TMCC1: variants seen among roughly 807,000 people sequenced by gnomAD.
The protein encoded by TMCC1 is transmembrane and coiled-coil domains protein 1.
Under a neutral mutation model 52.4 loss-of-function variants are expected in TMCC1, and 15 were observed. The ratio of observed to expected loss-of-function variants is 0.29; its 90% confidence interval spans 0.19 to 0.44. The LOEUF (loss-of-function observed/expected upper bound fraction) is 0.44, where lower values mean the gene tolerates loss of function less well. Ranked by LOEUF, TMCC1 falls within the 20% of genes least tolerant of loss-of-function variation. The pLI, the probability that TMCC1 is intolerant of heterozygous loss-of-function variation, is 1.00. For missense variants in TMCC1, 503 were observed against 806.0 expected (o/e 0.62, Z 4.55); for synonymous variants, 279 against 301.9 (o/e 0.92, Z 0.79).
rs185380385 is a variant in TMCC1 at position 129,708,068 on chromosome 3, G to A, written c.577-36804C>T. Among the ~76,000 whole-genome samples the A allele has an allele frequency of 2.9e-3, 446 of 152,218 alleles. 1 individual carries two copies. The highest frequency in any genetic ancestry group is 4.9e-3 in the Non-Finnish European group (331 of 68,016). ...AGTAATTTAGTGCTTTGTCTTGCAC[G>A]TTGAGAGGAAAATTTTAGTAAGACA... On this transcript the variant is annotated intron_variant, in intron 4 of 6. Transcript: ENST00000393238.
chr3:129,874,537 A>C (rs1433127995), intron 2 of TMCC1, among the ~76,000 whole-genome samples: 1 of 151,992 alleles, frequency 6.6e-6, no homozygotes, highest in African/African-American at 2.4e-5. Flanking sequence ...GCAACACCCT[A>C]TCTCTGCAAA....
chr3:129,830,802 C>T (rs2058871935), intron 3 of TMCC1, among the ~76,000 whole-genome samples: 1 of 152,188 alleles, frequency 6.6e-6, no homozygotes, highest in Non-Finnish European at 1.5e-5. Flanking sequence ...AGCAAATCTA[C>T]TTATTTGGGC....
chr3:129,813,700 T>C (rs1371724734), intron 4 of TMCC1, among the ~76,000 whole-genome samples: 1 of 152,028 alleles, frequency 6.6e-6, no homozygotes, highest in Non-Finnish European at 1.5e-5. Flanking sequence ...GGTACTATGC[T>C]TATTACCTGG....
At chr3:129,835,340 T>C (rs1429466665) in intron 2 of TMCC1, among the ~76,000 whole-genome samples, 1 of 151,614 alleles carries the variant, frequency 6.6e-6, no homozygotes, top group African/African-American at 2.4e-5. Flanking sequence ...TATATATATA[T>C]ATATATTTTA....
chr3:129,762,295 T>C (rs1303013183), intron 4 of TMCC1, among the ~76,000 whole-genome samples: 1 of 151,870 alleles, frequency 6.6e-6, no homozygotes, highest in African/African-American at 2.4e-5. Context: ...CCGCCTCGGT[T>C]TCCCAAAGTG....
chr3:129,808,228 A>G (rs1010158883), intron 4 of TMCC1, among the ~76,000 whole-genome samples: 3 of 152,074 alleles, frequency 2.0e-5, no homozygotes, highest in Non-Finnish European at 4.4e-5. Flanking sequence ...CACGCCTGTA[A>G]TCCCAGCACT....
At chr3:129,810,511 T>C (rs529397217) in intron 4 of TMCC1, among the ~76,000 whole-genome samples, 1 of 152,158 alleles carries the variant, frequency 6.6e-6, no homozygotes, top group Non-Finnish European at 1.5e-5. Flanking sequence ...CTCCTGACAA[T>C]AGAAAACAGC....
intron 2 of TMCC1, among the ~76,000 whole-genome samples, chr3:129,866,727 T>C (rs887251128): frequency 6.6e-6 from 1 of 152,128 alleles, no homozygotes; most frequent in East Asian, 1.9e-4. Flanking sequence ...GGCTCATAGA[T>C]CCAGGACAGA....
intron 2 of TMCC1, among the ~76,000 whole-genome samples, chr3:129,838,752 C>CAAAA (rs35240365): frequency 1.4e-4 from 9 of 65,832 alleles, no homozygotes; most frequent in African/African-American, 5.3e-4. Context: ...GACTCTGTCT[C>CAAAA]AAAAAAAAAA....
In TMCC1 at chr3:129,651,710, T is replaced by C; in HGVS notation, c.1733A>G (p.Glu578Gly). 6.2e-7 allele frequency: 1 copy of C among 1,614,214 alleles called. No individual in the cohort carries two copies. The highest frequency in any genetic ancestry group is 8.5e-7 in the Non-Finnish European group (1 of 1,180,038). ...QQQVVQLEGL[E>G]NATARNLLGK... ...CAGAAGGTTCCGGGCAGTGGCATTC[T>C]CCAGCCCTTCTAGCTGCACCACCTG... Residue 578 changes from glutamate to glycine, a missense_variant, in exon 7 of 7, where the codon GAG (glutamate) becomes GGG (glycine). By Grantham distance (98) the Glu-to-Gly change is moderately conservative. This residue lies in a region of TMCC1 where 121 missense variants were observed against 193.6 expected (regional missense o/e 0.62). Coordinates refer to ENST00000393238, the MANE Select transcript of TMCC1 (RefSeq NM_001017395.5). This position sits in a 1 kb window ranked among gnomAD's most constrained non-coding sequence, Gnocchi z 5.1.
At chr3:129,845,211 C>T (rs2059606493) in intron 2 of TMCC1, among the ~76,000 whole-genome samples, 1 of 151,966 alleles carries the variant, frequency 6.6e-6, no homozygotes, top group South Asian at 2.1e-4. Flanking sequence ...CACACACACA[C>T]ACACACACAA....
chr3:129,679,598 C>T (rs2088794517), intron 4 of TMCC1, among the ~76,000 whole-genome samples: 1 of 152,194 alleles, frequency 6.6e-6, no homozygotes, highest in Non-Finnish European at 1.5e-5. Context: ...GCCATCACGC[C>T]TGGCCTGCCT....
At chr3:129,790,482 A>C (rs917764483) in intron 4 of TMCC1, among the ~76,000 whole-genome samples, 69 of 152,230 alleles carry the variant, frequency 4.5e-4, no homozygotes, top group African/African-American at 1.7e-3. Context: ...TGTGAAAATA[A>C]TTACCATTCA....
intron 4 of TMCC1, among the ~76,000 whole-genome samples, chr3:129,745,825 G>A (rs757519368): frequency 8.6e-5 from 13 of 151,766 alleles, no homozygotes; most frequent in Non-Finnish European, 1.8e-4. Flanking sequence ...TTAGCTGAGT[G>A]TGGTGGCACC....
chr3:129,873,783 A>G (rs2061050823), intron 2 of TMCC1, among the ~76,000 whole-genome samples: 1 of 152,194 alleles, frequency 6.6e-6, no homozygotes, highest in African/African-American at 2.4e-5. Context: ...TGGAACCAGA[A>G]GTGTTTTAGA....
chr3:129,827,137 A>G (rs1453593472), intron 4 of TMCC1, among the ~76,000 whole-genome samples: 1 of 152,218 alleles, frequency 6.6e-6, no homozygotes, highest in Non-Finnish European at 1.5e-5. Context: ...CACTACCTGC[A>G]TGGCTACGCG....
At chr3:129,681,052 T>C (rs1023352465) in intron 4 of TMCC1, among the ~76,000 whole-genome samples, 1 of 152,164 alleles carries the variant, frequency 6.6e-6, no homozygotes, top group East Asian at 1.9e-4. Flanking sequence ...TACGGCACTG[T>C]TCAAAAGCAG....
chr3:129,848,708 C>A (rs2059777571), intron 2 of TMCC1, among the ~76,000 whole-genome samples: 1 of 152,166 alleles, frequency 6.6e-6, no homozygotes, highest in Admixed American at 6.5e-5. Flanking sequence ...AAATTCATGT[C>A]CACTAACCTC....
intron 4 of TMCC1, among the ~76,000 whole-genome samples, chr3:129,708,727 A>C (rs1049820834): frequency 1.3e-5 from 2 of 152,226 alleles, no homozygotes; most frequent in African/African-American, 4.8e-5. Flanking sequence ...CCAGGCTGAC[A>C]TTTATCTAAA....
Sources: allele counts gnomAD v4.1 joint callset (sites outside exome capture counted in the v4.1 genomes callset), GRCh38; gene constraint gnomAD v4.1.1; regional missense constraint gnomAD v4.1.1; non-coding constraint Gnocchi (gnomAD v3.1); transcripts MANE v1.5; gene names NCBI Gene and HGNC (gene_info 2026-07-23, HGNC 2026-07-21).